SLC39A11: variants seen among roughly 807,000 people sequenced by gnomAD.
The protein encoded by SLC39A11 is zinc transporter ZIP11.
Under a neutral mutation model 36.1 loss-of-function variants are expected in SLC39A11, and 33 were observed. The observed-to-expected ratio is 0.91, with a 90% CI of 0.69 to 1.22. The LOEUF (loss-of-function observed/expected upper bound fraction) is 1.22, where lower values mean the gene tolerates loss of function less well. SLC39A11 is among the 50% of genes most tolerant of loss of function. SLC39A11 has a pLI of 0.00. For synonymous variants in SLC39A11, 166 were observed against 170.3 expected (o/e 0.97, Z 0.20); for missense variants, 432 against 430.3 (o/e 1.00, Z -0.03).
intron 5 of SLC39A11, among the ~76,000 whole-genome samples, chr17:72,916,236 G>T (rs2083324373): frequency 6.6e-6 from 1 of 152,034 alleles, no homozygotes; most frequent in African/African-American, 2.4e-5. Context: ...ACATATATCT[G>T]TACACACAAA....
intron 4 of SLC39A11, among the ~76,000 whole-genome samples, chr17:72,962,814 G>C (rs1345369300): frequency 1.3e-5 from 2 of 152,228 alleles, no homozygotes; most frequent in Admixed American, 6.5e-5. Context: ...TGGGATTACA[G>C]GCGTGAGCCA....
chr17:72,921,040 T>C (rs1056783023), intron 5 of SLC39A11, among the ~76,000 whole-genome samples: 1 of 152,216 alleles, frequency 6.6e-6, no homozygotes, highest in Non-Finnish European at 1.5e-5. Flanking sequence ...TTCTTGTTCT[T>C]ATTCTTGCAT....
Position 72,947,877 on chromosome 17 carries a change from T to C in SLC39A11, c.307-2A>G. On this transcript the variant is annotated splice_acceptor_variant, in intron 4 of 9. Coordinates refer to ENST00000255559, the MANE Select transcript of SLC39A11 (RefSeq NM_139177.4). LOFTEE classifies it high-confidence loss of function. The stretch of plus-strand genomic sequence containing the variant: ...CGTCTGGGGGTCTTCTGCTGCACCC[T>C]GAAACAAGAAGCGGTAACATCACTA... The C allele has an allele frequency of 6.2e-7, 1 of 1,613,524 alleles. No individual in the cohort carries two copies. The highest frequency in any genetic ancestry group is 8.5e-7 in the Non-Finnish European group (1 of 1,180,014).
intron 3 of SLC39A11, among the ~76,000 whole-genome samples, chr17:73,033,231 C>A (rs564055524): frequency 3.3e-5 from 5 of 152,328 alleles, no homozygotes; most frequent in African/African-American, 9.6e-5. Context: ...GCTGTGCGGC[C>A]TGGTTCCTAA....
intron 5 of SLC39A11, among the ~76,000 whole-genome samples, chr17:72,918,250 A>T (rs911366689): frequency 3.9e-5 from 6 of 152,192 alleles, no homozygotes; most frequent in African/African-American, 1.4e-4. Context: ...CTCTACCAAA[A>T]ATATAAAAAT....
chr17:72,802,406 G>A (rs867326555), intron 6 of SLC39A11, among the ~76,000 whole-genome samples: 43 of 151,972 alleles, frequency 2.8e-4, no homozygotes, highest in East Asian at 7.8e-4. Context: ...CCTGACCAGC[G>A]TGGTGAAAAC....
At chr17:73,044,735 A>G (rs929474828) in intron 3 of SLC39A11, among the ~76,000 whole-genome samples, 1 of 152,050 alleles carries the variant, frequency 6.6e-6, no homozygotes, top group African/African-American at 2.4e-5. Context: ...TTAGCTGGGG[A>G]TGGTGGTGGG....
At chr17:72,816,170 G>T (rs1402616336) in intron 6 of SLC39A11, among the ~76,000 whole-genome samples, 2 of 152,154 alleles carry the variant, frequency 1.3e-5, no homozygotes, top group Non-Finnish European at 2.9e-5. Flanking sequence ...CCTGAAGGTG[G>T]TTGCCCAGTT....
intron 4 of SLC39A11, among the ~76,000 whole-genome samples, chr17:73,017,211 A>C (rs367712974): frequency 9.2e-5 from 14 of 152,244 alleles, no homozygotes; most frequent in East Asian, 5.8e-4. Flanking sequence ...TTCCTATTTT[A>C]GAATAAGTAA....
intron 4 of SLC39A11, among the ~76,000 whole-genome samples, chr17:73,003,070 G>A (rs888916201): frequency 2.0e-5 from 3 of 152,334 alleles, no homozygotes; most frequent in Admixed American, 6.5e-5. Context: ...AGACTCCAGA[G>A]ATTAGGACCT....
At chr17:72,772,945 G>T (rs1192747142) in intron 6 of SLC39A11, among the ~76,000 whole-genome samples, 9 of 152,086 alleles carry the variant, frequency 5.9e-5, no homozygotes, top group Admixed American at 5.9e-4. Flanking sequence ...AATTAGCTGG[G>T]CATGGTGGCG....
chr17:72,905,338 G>A lies in SLC39A11; in HGVS notation c.430+42414C>T, dbSNP rs545008728. On this transcript the variant is annotated intron_variant, in intron 5 of 9. Transcript: ENST00000255559. ...AGGCCAGGCACAGTGGCTCACACCT[G>A]TACTCCCAGCAATTTGGGAGGCCAA... Among the ~76,000 whole-genome samples, 100 of 147,952 alleles carry A rather than the reference G, an allele frequency of 6.8e-4. No homozygotes were observed. The Middle Eastern group carries it at 0.025, about 36-fold the overall frequency.
intron 6 of SLC39A11, among the ~76,000 whole-genome samples, chr17:72,756,441 G>A (rs1223914067): frequency 1.3e-5 from 2 of 152,212 alleles, no homozygotes. Context: ...CAATGGAATA[G>A]TATACTGCCT....
intron 5 of SLC39A11, among the ~76,000 whole-genome samples, chr17:72,879,497 C>T (rs930793389): frequency 3.3e-5 from 5 of 152,216 alleles, no homozygotes; most frequent in Non-Finnish European, 7.3e-5. Flanking sequence ...TCACTGCTAT[C>T]TAGTTTCTAC....
chr17:73,050,463 T>A (rs1351247017), intron 3 of SLC39A11, among the ~76,000 whole-genome samples: 1 of 101,886 alleles, frequency 9.8e-6, no homozygotes, highest in Non-Finnish European at 2.3e-5. Flanking sequence ...GTGAACTGAC[T>A]TTTTTTTTTT....
intron 4 of SLC39A11, among the ~76,000 whole-genome samples, chr17:72,969,373 G>A (rs988025554): frequency 2.0e-5 from 3 of 152,050 alleles, no homozygotes; most frequent in African/African-American, 7.2e-5. Context: ...GAGGGAAAAA[G>A]GGGGTGGGAC....
intron 7 of SLC39A11, among the ~76,000 whole-genome samples, chr17:72,665,042 G>C (rs2070665138): frequency 6.6e-6 from 1 of 152,198 alleles, no homozygotes. Flanking sequence ...CCCAAGGCCA[G>C]ATCATAAAAG....
intron 7 of SLC39A11, among the ~76,000 whole-genome samples, chr17:72,670,632 T>G (rs1458067936): frequency 6.6e-6 from 1 of 152,234 alleles, no homozygotes; most frequent in Non-Finnish European, 1.5e-5. Context: ...TGGATCATAA[T>G]CCACTACTAT....
intron 7 of SLC39A11, among the ~76,000 whole-genome samples, chr17:72,729,445 A>ATT (rs2074111781): frequency 3.2e-4 from 1 of 3,162 alleles, no homozygotes; most frequent in Non-Finnish European, 5.8e-4. Context: ...ATATATATAT[A>ATT]TATATATATA....
Sources: gnomAD v4.1 joint callset for allele counts (sites outside exome capture counted in the v4.1 genomes callset) on GRCh38, gnomAD v4.1.1 for gene constraint, MANE v1.5 for transcripts, NCBI Gene and HGNC (gene_info 2026-07-23, HGNC 2026-07-21) for gene names.